Variants in DYM observed in about 807,000 individuals in gnomAD.
DYM encodes the protein dyggve-Melchior-Clausen syndrome protein.
In DYM, 78 loss-of-function variants were observed where a neutral mutation model predicts 93.1. That is an observed-to-expected ratio of 0.84 (90% CI 0.70 to 1.01). The LOEUF (loss-of-function observed/expected upper bound fraction) is 1.01, where lower values mean the gene tolerates loss of function less well. Ranked by LOEUF, DYM falls within the 50% of genes least tolerant of loss-of-function variation. DYM has a pLI of 0.00. For synonymous variants in DYM, 321 were observed against 319.7 expected (o/e 1.00, Z -0.04); for missense variants, 789 against 845.0 (o/e 0.93, Z 0.82).
intron 6 of DYM, among the ~76,000 whole-genome samples, chr18:49,358,850 AACAGAT>A (rs71929379): frequency 0.52 from 79,595 of 151,660 alleles, 23,051 homozygotes; most frequent in Non-Finnish European, 0.65. Flanking sequence ...CAGCAACAAA[AACAGAT>A]ACAAAGACAA....
At chr18:49,168,818 T>C (rs748398404) in intron 14 of DYM, among the ~76,000 whole-genome samples, 1 of 152,142 alleles carries the variant, frequency 6.6e-6, no homozygotes, top group Non-Finnish European at 1.5e-5. Context: ...ATCTTGACTG[T>C]GGCCTTGAAG....
chr18:49,441,047 TAATATA>T (rs2081421029), intron 1 of DYM, among the ~76,000 whole-genome samples: 1 of 7,302 alleles, frequency 1.4e-4, no homozygotes, highest in Non-Finnish European at 2.9e-4. Flanking sequence ...TATAAATATA[TAATATA>T]TTTATATATA....
At chr18:49,207,603 G>C (rs1342020434) in intron 14 of DYM, among the ~76,000 whole-genome samples, 1 of 152,184 alleles carries the variant, frequency 6.6e-6, no homozygotes, top group Admixed American at 6.5e-5. Context: ...CTATTATAAA[G>C]ACTGAGGTTT....
chr18:49,213,733 C>T (rs4586520), intron 13 of DYM, among the ~76,000 whole-genome samples: 56,939 of 152,082 alleles, frequency 0.37, 12,666 homozygotes, highest in Middle Eastern at 0.59. Flanking sequence ...TCCAATGTCC[C>T]TTCTTCTTCC....
At position 49,097,396 on chromosome 18, in the gene DYM, T is replaced by C. The variant is rs1172207260; in HGVS notation, c.2025+6A>G. ...TGTCAAGTGGACATTTCTTTAGCCT[T>C]CTTACCTTCAGTCTGTCTTTGGGCA... is the stretch of plus-strand genomic sequence containing the variant. On this transcript the variant is annotated splice_donor_region_variant and intron_variant, in intron 17 of 17. Transcript: ENST00000675505. The C allele has an allele frequency of 1.2e-6, 2 of 1,613,658 alleles. No individual in the cohort carries two copies. Among genetic ancestry groups the C allele is most frequent in the Admixed American group, 1.7e-5 (1 of 59,972 alleles).
At chr18:49,254,049 C>A (rs901085922) in intron 13 of DYM, among the ~76,000 whole-genome samples, 1 of 152,064 alleles carries the variant, frequency 6.6e-6, no homozygotes, top group South Asian at 2.1e-4. Flanking sequence ...TAGTCCCTCT[C>A]TTGTTTTGCT....
intron 7 of DYM, 65 bp downstream of exon 7, chr18:49,333,663 G>C: frequency 2.6e-6 from 4 of 1,538,128 alleles, no homozygotes; most frequent in Non-Finnish European, 3.6e-6. Context: ...TCAGGTAAAA[G>C]GACAAGACTA....
At chr18:49,306,791 A>G (rs947684226) in intron 8 of DYM, among the ~76,000 whole-genome samples, 1 of 152,204 alleles carries the variant, frequency 6.6e-6, no homozygotes, top group African/African-American at 2.4e-5. Flanking sequence ...GTGAATTACT[A>G]TGATTTTCAG....
At chr18:49,336,879 T>C (rs1231406230) in intron 6 of DYM, among the ~76,000 whole-genome samples, 1 of 152,220 alleles carries the variant, frequency 6.6e-6, no homozygotes, top group African/African-American at 2.4e-5. Flanking sequence ...AAAGCGTCTC[T>C]TAAAAAGTGG....
chr18:49,081,326 AC>A (rs1357144552), intron 17 of DYM, among the ~76,000 whole-genome samples: 2 of 151,038 alleles, frequency 1.3e-5, no homozygotes, highest in East Asian at 3.9e-4. Flanking sequence ...ACACAGCGAA[AC>A]CCCGTCTCCA....
intron 6 of DYM, among the ~76,000 whole-genome samples, chr18:49,340,353 T>C (rs1411062002): frequency 6.6e-6 from 1 of 152,034 alleles, no homozygotes; most frequent in African/African-American, 2.4e-5. Context: ...AAAAACAGAA[T>C]GAGTTCTATA....
chr18:49,190,264 C>A (rs2090841983), intron 14 of DYM, among the ~76,000 whole-genome samples: 1 of 152,232 alleles, frequency 6.6e-6, no homozygotes, highest in South Asian at 2.1e-4. Flanking sequence ...TTTCCTGCAG[C>A]TTTTTATTCA....
At chr18:49,449,174 A>G (rs1050271278) in intron 1 of DYM, among the ~76,000 whole-genome samples, 1 of 152,210 alleles carries the variant, frequency 6.6e-6, no homozygotes, top group Admixed American at 6.5e-5. Context: ...AAGGTGACTG[A>G]GGCCAATTTT....
At chr18:49,126,204 C>A (rs1461904233) in intron 15 of DYM, 1 of 152,196 alleles carries the variant, frequency 6.6e-6, no homozygotes. Flanking sequence ...TTCCTGGAAA[C>A]CATGCTCTGG....
intron 13 of DYM, among the ~76,000 whole-genome samples, chr18:49,246,277 G>A (rs1022523260): frequency 2.0e-5 from 3 of 152,174 alleles, no homozygotes; most frequent in African/African-American, 7.2e-5. Context: ...CATTGGACAC[G>A]TGAGCCACTT....
chr18:49,402,705 T>C (rs1408006641), intron 2 of DYM, among the ~76,000 whole-genome samples: 2 of 152,214 alleles, frequency 1.3e-5, no homozygotes, highest in Non-Finnish European at 2.9e-5. Flanking sequence ...CCCACTGGAT[T>C]CATAGGCGGA....
chr18:49,096,933 C>T (rs2079597875), intron 17 of DYM, among the ~76,000 whole-genome samples: 1 of 152,154 alleles, frequency 6.6e-6, no homozygotes, highest in Non-Finnish European at 1.5e-5. Flanking sequence ...CCTCACTGTA[C>T]ATCAGTTTCC....
At chr18:49,399,934 CTTTTTTTT>C (rs1201370040) in intron 2 of DYM, among the ~76,000 whole-genome samples, 2,302 of 66,246 alleles carry the variant, frequency 0.035, 46 homozygotes, top group African/African-American at 0.12. Context: ...TTTTATTTTT[CTTTTTTTT>C]TTTTTTTTTT....
At position 49,315,973 on chromosome 18, in the gene DYM, T is replaced by A. The variant is rs187517477; in HGVS notation, c.763+15891A>T. Among the ~76,000 whole-genome samples the A allele has an allele frequency of 1.2e-3, 188 of 151,204 alleles. 1 individual carries two copies. The highest frequency in any genetic ancestry group is 4.4e-3 in the African/African-American group (182 of 41,492). ...CAAGTTTGCTAAAAATATACATGTA[T>A]TTTATAAAATAAAATATTCATGAAT... On this transcript the variant is annotated intron_variant, in intron 8 of 17. Coordinates refer to ENST00000675505, the MANE Select transcript of DYM (RefSeq NM_001353214.3).
Sources: allele counts gnomAD v4.1 joint callset (sites outside exome capture counted in the v4.1 genomes callset), GRCh38; gene constraint gnomAD v4.1.1; transcripts MANE v1.5; gene names NCBI Gene and HGNC (gene_info 2026-07-23, HGNC 2026-07-21).